The following PIEZO1 variants were observed in gnomAD, a reference collection of about 807,000 sequenced individuals.
The protein encoded by PIEZO1 is piezo type mechanosensitive ion channel component 1 (Er blood group), also known as piezo-type mechanosensitive ion channel component 1.
In PIEZO1, 296 loss-of-function variants were observed where a neutral mutation model predicts 297.2. The observed-to-expected ratio is 1.00, with a 90% CI of 0.91 to 1.10. PIEZO1 has a LOEUF of 1.10. PIEZO1 is among the 50% of genes least tolerant of loss of function. The pLI, the probability that PIEZO1 is intolerant of heterozygous loss-of-function variation, is 0.00. For missense variants in PIEZO1, 5,018 were observed against 3,455.5 expected, an observed-to-expected ratio of 1.45 and a Z score of -11.34; for synonymous variants, 2,427 against 1,507.5, an observed-to-expected ratio of 1.61 and a Z score of -14.13.
At chr16:88,741,379 C>A (rs953247033) in intron 5 of PIEZO1, 99 bp downstream of exon 5, 1 of 1,151,866 alleles carries the variant, frequency 8.7e-7, no homozygotes, top group Non-Finnish European at 1.2e-6. Flanking sequence ...ACCAAAACGT[C>A]TACATCTGTT....
At chr16:88,752,661 C>T (rs936947601) in intron 1 of PIEZO1, among the ~76,000 whole-genome samples, 21 of 152,186 alleles carry the variant, frequency 1.4e-4, no homozygotes, top group Non-Finnish European at 2.4e-4. Flanking sequence ...CCTCCCTGAC[C>T]GCCCTGCCCC....
At chr16:88,736,046 C>T in intron 12 of PIEZO1, 102 bp downstream of exon 12, 1 of 1,215,852 alleles carries the variant, frequency 8.2e-7, no homozygotes, top group Non-Finnish European at 1.1e-6. Flanking sequence ...CATCTGCCTT[C>T]TTGGCGCTGC....
intron 1 of PIEZO1, among the ~76,000 whole-genome samples, chr16:88,750,535 C>T (rs1845777553): frequency 6.6e-6 from 1 of 152,248 alleles, no homozygotes; most frequent in African/African-American, 2.4e-5. Context: ...TGGCCTCCCA[C>T]CCTCATCCTG....
In PIEZO1 at chr16:88,716,640, G is replaced by T. The variant is rs1445357051; in HGVS notation, c.6845C>A (p.Pro2282His). The T allele has an allele frequency of 6.5e-7, 1 of 1,549,710 alleles. No homozygotes were observed. The highest frequency in any genetic ancestry group is 8.7e-7 in the Non-Finnish European group (1 of 1,146,908). ...CCGCTTCATCTGGGCACGGCTGGGG[G>T]GACTGATGCGCCACAGCGCCCCGGA... Reference protein sequence around the residue: ...GSSGALWRISPPSRAQMKREL... With the variant: ...GSSGALWRISHPSRAQMKREL... Residue 2282 changes from proline to histidine, a missense_variant, in exon 47 of 51, where the codon CCC becomes CAC. Transcript: ENST00000301015.
chr16:88,726,101 G>A, intron 27 of PIEZO1, 183 bp downstream of exon 27: 1 of 607,804 alleles, frequency 1.6e-6, no homozygotes, highest in East Asian at 2.8e-5. Context: ...CCCAGCACTG[G>A]GGCAGAGTGT....
intron 1 of PIEZO1, among the ~76,000 whole-genome samples, chr16:88,758,930 A>G (rs572888485): frequency 6.6e-6 from 1 of 152,318 alleles, no homozygotes; most frequent in South Asian, 2.1e-4. Flanking sequence ...CCTTTTGTGT[A>G]AAACTGAAAT....
At chr16:88,757,327 T>TGGTGGGGGGGGGGGGG (rs1906720657) in intron 1 of PIEZO1, among the ~76,000 whole-genome samples, 1 of 42,700 alleles carries the variant, frequency 2.3e-5, no homozygotes, top group Non-Finnish European at 5.2e-5. Flanking sequence ...GGCGGGGGGG[T>TGGTGGGGGGGGGGGGG]GGGGGGTAGT....
At chr16:88,731,404 G>T (rs759419285) in intron 22 of PIEZO1, 2 of 390,936 alleles carry the variant, frequency 5.1e-6, no homozygotes, top group Admixed American at 8.6e-5. Flanking sequence ...CACGGGGCCC[G>T]GAGAGGACGC....
At chr16:88,777,320 A>G (rs982335879) in intron 1 of PIEZO1, among the ~76,000 whole-genome samples, 13 of 152,238 alleles carry the variant, frequency 8.5e-5, no homozygotes, top group African/African-American at 2.9e-4. Flanking sequence ...CCAAGGAGGG[A>G]GAAAGCGAAG....
intron 39 of PIEZO1, 28 bp downstream of exon 39, chr16:88,721,138 A>C (rs1300942926): frequency 6.8e-7 from 1 of 1,464,222 alleles, no homozygotes; most frequent in African/African-American, 1.4e-5. Context: ...CTGGGTAGGC[A>C]GGAGGTTGTG....
In PIEZO1 at chr16:88,735,193, C is replaced by T. The variant is rs926643740; in HGVS notation, c.1611G>A (p.Lys537=). ...WLLLRQFVKE[K]LLKWAESPAA... ...CTGGAGACTCTGCCCACTTCAGCAG[C>T]TTCTCTTTCACAAACTGGCGCAGCA... is the stretch of plus-strand genomic sequence containing the variant. Residue 537 remains lysine, a synonymous_variant, in exon 13 of 51, where the codon AAG becomes AAA. Coordinates refer to ENST00000301015, the MANE Select transcript of PIEZO1 (RefSeq NM_001142864.4). The T allele has an allele frequency of 6.4e-7, 1 of 1,550,430 alleles. No individual in the cohort carries two copies. The highest frequency in any genetic ancestry group is 8.7e-7 in the Non-Finnish European group (1 of 1,146,944).
rs927643469 is a variant in PIEZO1 at position 88,738,604 on chromosome 16, C to T, written c.598G>A (p.Gly200Arg). The T allele has an allele frequency of 1.3e-6, 2 of 1,535,494 alleles. No homozygotes were observed. Among genetic ancestry groups the T allele is most frequent in the African/African-American group, 1.4e-5 (1 of 73,054 alleles). Residue 200 changes from glycine to arginine, a missense_variant, in exon 6 of 51, where the codon GGG becomes AGG. Coordinates refer to ENST00000301015, the MANE Select transcript of PIEZO1 (RefSeq NM_001142864.4). The stretch of plus-strand genomic sequence containing the variant: ...AGCAGTGTTACGGCCAGGACCCGCC[C>T]AGCCGCCACCAGCAGCCAGTGGGCC... ...VTAHWLLVAA[G>R]RVLAVTLLAL...
At chr16:88,746,337 G>A (rs929646204) in intron 2 of PIEZO1, among the ~76,000 whole-genome samples, 1 of 152,160 alleles carries the variant, frequency 6.6e-6, no homozygotes, top group Non-Finnish European at 1.5e-5. Context: ...TTGGAGGTGG[G>A]TTTTATCCTA....
intron 1 of PIEZO1, among the ~76,000 whole-genome samples, chr16:88,762,528 C>T (rs1251434356): frequency 1.3e-5 from 2 of 152,206 alleles, no homozygotes; most frequent in South Asian, 2.1e-4. Context: ...GAAGGGGCTC[C>T]CAGCCAAGCG....
intron 1 of PIEZO1, among the ~76,000 whole-genome samples, chr16:88,769,100 T>A (rs1907306696): frequency 6.6e-6 from 1 of 152,212 alleles, no homozygotes; most frequent in South Asian, 2.1e-4. Flanking sequence ...AGTTTAGGAT[T>A]TTCTGGATTT....
chr16:88,743,235 G>C, intron 2 of PIEZO1: 1 of 456,532 alleles, frequency 2.2e-6, no homozygotes, highest in South Asian at 1.5e-5. Context: ...CAGGAGCCCT[G>C]GCTTCACCTC....
intron 2 of PIEZO1, among the ~76,000 whole-genome samples, chr16:88,746,790 T>TC (rs1471167753): frequency 6.6e-6 from 1 of 152,128 alleles, no homozygotes; most frequent in Admixed American, 6.5e-5. Flanking sequence ...GCGCCTGCCT[T>TC]CCCCCACTGC....
At position 88,716,622 on chromosome 16, in the gene PIEZO1, A is replaced by C; in HGVS notation, c.6863T>G (p.Met2288Arg). The change falls in exon 47 of 51, where the codon ATG (methionine) becomes AGG (arginine). Residue 2288 changes from methionine (M) to arginine (R), a missense_variant. Met to Arg is a moderately conservative substitution (Grantham distance 91). Transcript: ENST00000301015. ...WRISPPSRAQ[M>R]KRELYNGTAD... is the part of the protein sequence containing the mutation. ...CGTGCCGTTGTAGAGCTCCCGCTTCATCTGGGCACGGCTGGGGGGACTGAT... is the reference window on the plus strand; with the variant it reads ...CGTGCCGTTGTAGAGCTCCCGCTTCCTCTGGGCACGGCTGGGGGGACTGAT... 1.3e-6 allele frequency: 2 copies of C among 1,550,010 alleles called. No homozygotes were observed. The highest frequency in any genetic ancestry group is 1.7e-6 in the Non-Finnish European group (2 of 1,146,910).
rs1418147855 is a variant in PIEZO1, at chr16:88,727,645, C to G, written c.3213G>C (p.Trp1071Cys). The stretch of plus-strand genomic sequence containing the variant: ...CGGAGTTCATGGGGACGGCCCGGCT[C>G]CAGCGCCAGGGATAATCTGGGGGAA... ...PALCIDYPWR[W>C]SRAVPMNSAL... The change falls in exon 23 of 51, where the codon TGG (tryptophan) becomes TGC (cysteine). Residue 1071 changes from tryptophan to cysteine, a missense_variant. Trp to Cys is a radical substitution (Grantham distance 215). Transcript: ENST00000301015. 8.8e-6 allele frequency: 13 copies of G among 1,483,874 alleles called. No individual in the cohort carries two copies. The highest frequency in any genetic ancestry group is 9.9e-6 in the Non-Finnish European group (11 of 1,106,730). The allele number at this position is 1,483,874 out of a possible 1,614,324, so 91.9% of individuals were successfully genotyped here.
Sources: allele counts gnomAD v4.1 joint callset (sites outside exome capture counted in the v4.1 genomes callset), GRCh38; gene constraint gnomAD v4.1.1; transcripts MANE v1.5; gene names NCBI Gene and HGNC (gene_info 2026-07-23, HGNC 2026-07-21).